The following FANCB variants were observed in gnomAD, a reference collection of about 807,000 sequenced individuals.
FANCB encodes Fanconi anemia group B protein.
Under a neutral mutation model 38.9 loss-of-function variants are expected in FANCB, and 5 were observed. That is an observed-to-expected ratio of 0.13 (90% CI 0.07 to 0.27). FANCB has a LOEUF of 0.27. FANCB is among the 10% of genes least tolerant of loss of function. FANCB has a pLI of 1.00. For missense variants in FANCB, 573 were observed against 602.7 expected, an observed-to-expected ratio of 0.95 and a Z score of 0.52; for synonymous variants, 236 against 215.4, an observed-to-expected ratio of 1.10 and a Z score of -0.84.
chrX:14,858,264 G>A (rs775553944), intron 4 of FANCB, among the ~76,000 whole-genome samples: 46 of 109,800 alleles, frequency 4.2e-4, no homozygotes, highest in African/African-American at 1.3e-3. Context: ...GCATAGTGGC[G>A]CGCACCTGTA....
intron 7 of FANCB, 147 bp from the exon 8 acceptor site, chrX:14,845,433 G>A: frequency 1.9e-6 from 1 of 516,556 alleles, no homozygotes; most frequent in Middle Eastern, 5.6e-4. Context: ...ATATCAAAAA[G>A]TTAAGAGTAA....
At chrX:14,713,958 C>G in the FANCB span, among the ~76,000 whole-genome samples, 2 of 111,290 alleles carry the variant, frequency 1.8e-5, no homozygotes. Context: ...AGCCAGCAGA[C>G]CATGTAGATG....
chrX:14,833,895 T>C (rs1315434931), downstream of FANCB, among the ~76,000 whole-genome samples: 1 of 111,782 alleles, frequency 8.9e-6, no homozygotes, highest in African/African-American at 3.3e-5. Context: ...TCAGGGGTGC[T>C]GAGGTGGGAG....
the FANCB span, among the ~76,000 whole-genome samples, chrX:14,740,208 G>A: frequency 2.7e-5 from 3 of 111,358 alleles, no homozygotes; most frequent in Non-Finnish European, 5.7e-5. Flanking sequence ...AAATATTTAG[G>A]GGCAGGGTAG....
the FANCB span, among the ~76,000 whole-genome samples, chrX:14,752,329 C>A: frequency 8.9e-6 from 1 of 111,967 alleles, no homozygotes; most frequent in Non-Finnish European, 1.9e-5. Context: ...GTGGAGTTAT[C>A]CCATAATAAC....
At chrX:14,810,813 GAAC>G in the FANCB span, among the ~76,000 whole-genome samples, 1 of 110,604 alleles carries the variant, frequency 9.0e-6, no homozygotes, top group Non-Finnish European at 1.9e-5. Flanking sequence ...GAAATACAGA[GAAC>G]ACCACAAAGA....
At chrX:14,690,730 T>C in the FANCB span, 1 of 1,199,603 alleles carries the variant, frequency 8.3e-7, no homozygotes, top group African/African-American at 1.7e-5. Flanking sequence ...TAAAAGCGAT[T>C]GACATCTGGA....
chrX:14,842,018 T>C (rs1405197157), downstream of FANCB, among the ~76,000 whole-genome samples: 1 of 111,788 alleles, frequency 8.9e-6, no homozygotes, highest in African/African-American at 3.3e-5. Flanking sequence ...TTTTTCACCA[T>C]CTCTACTTTA....
At chrX:14,814,353 C>T in the FANCB span, among the ~76,000 whole-genome samples, 1 of 111,949 alleles carries the variant, frequency 8.9e-6, no homozygotes, top group Non-Finnish European at 1.9e-5. Context: ...AGAGCTTCTG[C>T]ACAGCAAAAG....
chrX:14,715,027 C>A, the FANCB span, among the ~76,000 whole-genome samples: 1 of 112,138 alleles, frequency 8.9e-6, no homozygotes. Context: ...TATGTATTGA[C>A]TTTTAACTAG....
rs1425904046 is a variant in FANCB at position 14,859,244 on chromosome X, A to G, written c.1042T>C (p.Ser348Pro). 4 of 1,179,356 alleles carry G rather than the reference A, an allele frequency of 3.4e-6. No homozygotes were observed. The Admixed American group carries it at 8.8e-5, about 26-fold the overall frequency. Residue 348 changes from serine to proline, a missense_variant, in exon 4 of 10, where the codon TCC becomes CCC. Physicochemically the swap from Ser to Pro is moderately conservative, Grantham distance 74 (BLOSUM62 -1). Transcript: ENST00000650831. ...GAAGTCAGGCAGTCTGAGTTCAAGG[A>G]GTCCTTAAAAAGTAGGAGTACTTGT... ...TEQVLLLFKD[S>P]LNSDCLTSFK... is the part of the protein sequence containing the mutation.
chrX:14,777,792 A>C, the FANCB span, among the ~76,000 whole-genome samples: 1 of 112,433 alleles, frequency 8.9e-6, no homozygotes, highest in Non-Finnish European at 1.9e-5. Flanking sequence ...AACAAAATGT[A>C]ACAGGAAACA....
chrX:14,766,758 T>C, the FANCB span, among the ~76,000 whole-genome samples: 5 of 110,611 alleles, frequency 4.5e-5, no homozygotes, highest in African/African-American at 1.3e-4. Flanking sequence ...ACATGTGCCA[T>C]GGTGGTTTGC....
intron 10 of FANCB, among the ~76,000 whole-genome samples, chrX:14,837,828 C>T (rs1210866975): frequency 1.8e-5 from 2 of 112,293 alleles, no homozygotes; most frequent in African/African-American, 6.5e-5. Flanking sequence ...TTCCTTACCC[C>T]TTACCAGCTA....
the FANCB span, among the ~76,000 whole-genome samples, chrX:14,783,389 C>T: frequency 8.9e-6 from 1 of 111,792 alleles, no homozygotes; most frequent in African/African-American, 3.3e-5. Flanking sequence ...CCCCAACCTC[C>T]CAATGAAGCA....
At chrX:14,737,179 T>C in the FANCB span, among the ~76,000 whole-genome samples, 1 of 111,146 alleles carries the variant, frequency 9.0e-6, no homozygotes, top group Admixed American at 9.5e-5. Flanking sequence ...CCAAGAGCAC[T>C]GAGGAACCAT....
At chrX:14,771,603 C>T in the FANCB span, among the ~76,000 whole-genome samples, 1 of 111,516 alleles carries the variant, frequency 9.0e-6, no homozygotes, top group Non-Finnish European at 1.9e-5. Flanking sequence ...CAGTGTAGTT[C>T]GTTATTACCC....
At chrX:14,749,784 C>T in the FANCB span, among the ~76,000 whole-genome samples, 1 of 111,545 alleles carries the variant, frequency 9.0e-6, no homozygotes, top group Non-Finnish European at 1.9e-5. Context: ...TGTGACTTAA[C>T]CTCTCTGCAT....
At chrX:14,790,150 A>G in the FANCB span, among the ~76,000 whole-genome samples, 1 of 111,877 alleles carries the variant, frequency 8.9e-6, no homozygotes, top group African/African-American at 3.2e-5. Context: ...GCCATTATGG[A>G]GCTAACATTG....
Sources: allele counts gnomAD v4.1 joint callset (sites outside exome capture counted in the v4.1 genomes callset), GRCh38; gene constraint gnomAD v4.1.1; transcripts MANE v1.5; gene names NCBI Gene and HGNC (gene_info 2026-07-23, HGNC 2026-07-21).